The following TERT variants were observed in gnomAD, a reference collection of about 807,000 sequenced individuals.
TERT encodes telomerase reverse transcriptase.
TERT carries 42 observed loss-of-function variants against 104.0 expected under a neutral mutation model. The ratio of observed to expected loss-of-function variants is 0.40; its 90% confidence interval spans 0.32 to 0.52. TERT has a LOEUF of 0.52. Ranked by LOEUF, TERT falls within the 20% of genes least tolerant of loss-of-function variation. TERT has a pLI of 0.43. For missense variants in TERT, 1,101 were observed against 1,610.3 expected (o/e 0.68, Z 5.41); for synonymous variants, 781 against 725.6 (o/e 1.08, Z -1.23).
intron 6 of TERT, among the ~76,000 whole-genome samples, chr5:1,275,766 C>A (rs1168928024): frequency 7.6e-6 from 1 of 130,922 alleles, no homozygotes; most frequent in Non-Finnish European, 1.7e-5. Context: ...ACCAATCCCA[C>A]AGATCTCCAC....
rs1311562433 is a variant in TERT at position 1,265,889 on chromosome 5, C to T, written c.2654+575G>A. ...CTGTGCTGAGGCCAGGTCCCCTGTG[C>T]CTGATTTTAGTTTGATTCACAAAAA... On this transcript the variant is annotated intron_variant, in intron 10 of 15. Transcript: ENST00000310581. The surrounding 1 kb of genome is among the most constrained non-coding windows in gnomAD (Gnocchi z 6.9). Among the ~76,000 whole-genome samples the T allele has an allele frequency of 3.3e-5, 5 of 152,224 alleles. No homozygotes were observed. The highest frequency in any genetic ancestry group is 3.3e-4 in the Admixed American group (5 of 15,292).
At chr5:1,281,014 G>A (rs996646599) in intron 3 of TERT, among the ~76,000 whole-genome samples, 3 of 152,206 alleles carry the variant, frequency 2.0e-5, no homozygotes, top group Admixed American at 6.5e-5. Context: ...GCCCAGCAGA[G>A]TAGAAAAGGC....
intron 2 of TERT, chr5:1,282,831 C>T (rs1750130507): frequency 4.9e-6 from 3 of 611,030 alleles, no homozygotes; most frequent in African/African-American, 1.9e-5. Context: ...ACGGGGACAC[C>T]GCATATCCAG....
At chr5:1,266,887 C>T (rs1361888678) in intron 9 of TERT, among the ~76,000 whole-genome samples, 2 of 152,196 alleles carry the variant, frequency 1.3e-5, no homozygotes, top group Non-Finnish European at 2.9e-5. Context: ...CCCCTCTGAG[C>T]CACGTGGTGC....
chr5:1,278,648 T>C lies in TERT; in HGVS notation c.2279A>G (p.Lys760Arg). ...AAHGHVRKAF[K>R]SHVSTLTDLQ... is the part of the protein sequence containing the mutation. ...ATCACACGTGAACCTTACGTGGCTC[T>C]TGAAGGCCTTGCGGACGTGCCCATG... is the stretch of plus-strand genomic sequence containing the variant. Residue 760 changes from lysine (K) to arginine (R), a missense_variant, in exon 6 of 16, where the codon AAG becomes AGG. By Grantham distance (26) the Lys-to-Arg change is conservative. Coordinates refer to ENST00000310581, the MANE Select transcript of TERT (RefSeq NM_198253.3). The C allele has an allele frequency of 6.2e-7, 1 of 1,614,144 alleles. No homozygotes were observed. The highest frequency in any genetic ancestry group is 1.1e-5 in the South Asian group (1 of 91,092).
In TERT at chr5:1,263,578, A is replaced by G. The variant is rs1015212835; in HGVS notation, c.2843+826T>C. 2.6e-5 allele frequency among the ~76,000 whole-genome samples: 4 copies of G among 152,058 alleles called. No individual in the cohort carries two copies. The highest frequency in any genetic ancestry group is 3.2e-3 in the Middle Eastern group (1 of 316). The stretch of plus-strand genomic sequence containing the variant: ...GCCACCAGGCCAGGCTAATTTTTGT[A>G]TTTTTTAAGTAGAAATGGAATTTCA... On this transcript the variant is annotated intron_variant, in intron 11 of 15. Transcript: ENST00000310581. The surrounding 1 kb of genome is among the most constrained non-coding windows in gnomAD (Gnocchi z 5.3).
Position 1,272,176 on chromosome 5 carries a change from T to C in TERT, c.2382+9A>G, listed in dbSNP as rs893726292. 2 of 1,603,360 alleles carry C rather than the reference T, an allele frequency of 1.2e-6. No individual in the cohort carries two copies. The highest frequency in any genetic ancestry group is 2.7e-5 in the African/African-American group (2 of 74,784). On this transcript the variant is annotated intron_variant, in intron 7 of 15. Coordinates refer to ENST00000310581, the MANE Select transcript of TERT (RefSeq NM_198253.3). ...GTCCGTGCCCAACCCTGCAGGGCAGTGCCCAGACCTGCTCGATGACGACGG... is the reference window on the plus strand; with the variant it reads ...GTCCGTGCCCAACCCTGCAGGGCAGCGCCCAGACCTGCTCGATGACGACGG...
chr5:1,287,803 C>G lies in TERT; in HGVS notation c.1574-5179G>C, dbSNP rs946779422. ...GGAATTTCATGCATCTAGAAGGAGA[C>G]AGAAGCTTTGCACTGGACCTTAATA... is the stretch of plus-strand genomic sequence containing the variant. On this transcript the variant is annotated intron_variant, in intron 2 of 15. Coordinates refer to ENST00000310581, the MANE Select transcript of TERT (RefSeq NM_198253.3). The surrounding 1 kb of genome is among the most constrained non-coding windows in gnomAD (Gnocchi z 4.3). 2.6e-5 allele frequency among the ~76,000 whole-genome samples: 4 copies of G among 151,960 alleles called. No homozygotes were observed. Among genetic ancestry groups the G allele is most frequent in the African/African-American group, 9.7e-5 (4 of 41,350 alleles).
chr5:1,257,211 C>T lies in TERT; in HGVS notation c.3032+1387G>A, dbSNP rs898997259. ...GCCCAGGCCCTCTACGGGAGCTCCT[C>T]GGAGCTAGAGACCCTGGTGGGGAAA... On this transcript the variant is annotated intron_variant, in intron 13 of 15. Coordinates refer to ENST00000310581, the MANE Select transcript of TERT (RefSeq NM_198253.3). The surrounding 1 kb of genome is among the most constrained non-coding windows in gnomAD (Gnocchi z 5.6). Among the ~76,000 whole-genome samples, 5 of 152,134 alleles carry T rather than the reference C, an allele frequency of 3.3e-5. No homozygotes were observed. Among genetic ancestry groups the T allele is most frequent in the Admixed American group, 6.5e-5 (1 of 15,270 alleles).
Position 1,280,445 on chromosome 5 carries a change from C to G in TERT, c.1770-107G>C, listed in dbSNP as rs1433792527. 7.1e-6 allele frequency: 9 copies of G among 1,260,480 alleles called. No homozygotes were observed. The African/African-American group carries it at 1.0e-4, about 14-fold the overall frequency. 78.1% of individuals were successfully genotyped at this position (1,260,480 alleles called of 1,614,324 possible). On this transcript the variant is annotated intron_variant, in intron 3 of 15. Transcript: ENST00000310581. ...CCGACTCAGTGAGGGCTCAGGGCAC[C>G]CACGGCAGCACACGCTGAAGGCCAT... is the stretch of plus-strand genomic sequence containing the variant.
At position 1,282,566 on chromosome 5, in the gene TERT, G is replaced by A; in HGVS notation, c.1632C>T (p.Phe544=). 5 of 1,614,132 alleles carry A rather than the reference G, an allele frequency of 3.1e-6. No homozygotes were observed. Among genetic ancestry groups the A allele is most frequent in the Non-Finnish European group, 4.2e-6 (5 of 1,180,034 alleles). Residue 544 remains phenylalanine, a synonymous_variant, in exon 3 of 16, where the codon TTC becomes TTT. Transcript: ENST00000310581. The part of the protein sequence containing the change: ...HRLREEILAK[F]LHWLMSVYVV... ...CGTACACACTCATCAGCCAGTGCAG[G>A]AACTTGGCCAGGATCTCCTCACGCA...
rs892647287 is a variant in TERT at position 1,286,739 on chromosome 5, G to A, written c.1574-4115C>T. Among the ~76,000 whole-genome samples, 1 of 152,082 alleles carries A rather than the reference G, an allele frequency of 6.6e-6. No homozygotes were observed. The highest frequency in any genetic ancestry group is 1.5e-5 in the Non-Finnish European group (1 of 68,014). Reference sequence around the variant, plus strand: ...CTAAAAATACAAAAATTAGCCAGGCGTGGTGGTGGGCGCCTGTAATCCCAG... The same window carrying A: ...CTAAAAATACAAAAATTAGCCAGGCATGGTGGTGGGCGCCTGTAATCCCAG... On this transcript the variant is annotated intron_variant, in intron 2 of 15. Coordinates refer to ENST00000310581, the MANE Select transcript of TERT (RefSeq NM_198253.3). This position sits in a 1 kb window ranked among gnomAD's most constrained non-coding sequence, Gnocchi z 5.3.
At chr5:1,278,491 A>G in intron 6 of TERT, 150 bp downstream of exon 6, 1 of 1,158,172 alleles carries the variant, frequency 8.6e-7, no homozygotes, top group East Asian at 2.3e-5. Flanking sequence ...ATGCACCACG[A>G]CACACACGTG....
At chr5:1,267,416 G>C (rs1748685619) in intron 9 of TERT, among the ~76,000 whole-genome samples, 1 of 152,232 alleles carries the variant, frequency 6.6e-6, no homozygotes, top group African/African-American at 2.4e-5. Flanking sequence ...CATTGTGGAA[G>C]ACAGTGTGGT....
intron 3 of TERT, among the ~76,000 whole-genome samples, chr5:1,281,545 G>A (rs759379105): frequency 1.3e-5 from 2 of 152,190 alleles, no homozygotes; most frequent in African/African-American, 2.4e-5. Flanking sequence ...CAGCGCTCCC[G>A]TCCCTCACTG....
rs949008087 is a variant in TERT at position 1,255,658 on chromosome 5, G to A, written c.3033-247C>T. Among the ~76,000 whole-genome samples the A allele has an allele frequency of 2.0e-5, 3 of 152,198 alleles. No individual in the cohort carries two copies. Among genetic ancestry groups the A allele is most frequent in the Non-Finnish European group, 4.4e-5 (3 of 68,026 alleles). On this transcript the variant is annotated intron_variant, in intron 13 of 15. Coordinates refer to ENST00000310581, the MANE Select transcript of TERT (RefSeq NM_198253.3). This position sits in a 1 kb window ranked among gnomAD's most constrained non-coding sequence, Gnocchi z 6.9. ...TTCTGTGCACCATCTGTATGAACAC[G>A]CATGTGGAGGCTGAAGCAGCTCCAT...
intron 5 of TERT, 73 bp from the exon 6 acceptor site, chr5:1,278,869 T>C: frequency 6.3e-7 from 1 of 1,597,514 alleles, no homozygotes. Context: ...CCTCAGGGCC[T>C]GGCCTGGCGG....
intron 2 of TERT, among the ~76,000 whole-genome samples, chr5:1,290,470 C>G (rs1282513154): frequency 7.1e-5 from 3 of 42,188 alleles, no homozygotes; most frequent in Non-Finnish European, 8.1e-5. Context: ...ACCCGGGGGC[C>G]TCGCGTCAAT....
In TERT at chr5:1,271,135, C is replaced by T. The variant is rs1046621943; in HGVS notation, c.2452G>A (p.Val818Met). ...CTGACTCACTTGCCCCTGATGCGCACGGCGTGGTGGCACATGAAGCGTAGG... is the reference window on the plus strand; with the variant it reads ...CTGACTCACTTGCCCCTGATGCGCATGGCGTGGTGGCACATGAAGCGTAGG... Reference protein sequence around the residue: ...VFLRFMCHHAVRIRGKSYVQC... With the variant: ...VFLRFMCHHAMRIRGKSYVQC... The change falls in exon 8 of 16, where the codon GTG becomes ATG. Residue 818 changes from valine (V) to methionine (M), a missense_variant. Val to Met is a conservative substitution (Grantham distance 21, BLOSUM62 1). Coordinates refer to ENST00000310581, the MANE Select transcript of TERT (RefSeq NM_198253.3). 8 of 1,612,882 alleles carry T rather than the reference C, an allele frequency of 5.0e-6. No individual in the cohort carries two copies. Among genetic ancestry groups the T allele is most frequent in the Non-Finnish European group, 5.9e-6 (7 of 1,179,992 alleles).
Sources: gnomAD v4.1 joint callset for allele counts (sites outside exome capture counted in the v4.1 genomes callset) on GRCh38, gnomAD v4.1.1 for gene constraint, Gnocchi (gnomAD v3.1) non-coding constraint, MANE v1.5 for transcripts, NCBI Gene and HGNC (gene_info 2026-07-23, HGNC 2026-07-21) for gene names.